The following SLC6A11 variants were observed in gnomAD, a reference collection of about 807,000 sequenced individuals.
The protein encoded by SLC6A11 is solute carrier family 6 member 11, also known as sodium- and chloride-dependent GABA transporter 3.
A neutral mutation model predicts 74.8 loss-of-function variants in SLC6A11; 25 were observed. That is an observed-to-expected ratio of 0.33 (90% CI 0.24 to 0.47). The LOEUF (loss-of-function observed/expected upper bound fraction) is 0.47. Ranked by LOEUF, SLC6A11 falls within the 20% of genes least tolerant of loss-of-function variation. The pLI, the probability that SLC6A11 is intolerant of heterozygous loss-of-function variation, is 1.00. For missense variants in SLC6A11, 574 were observed against 837.0 expected, an observed-to-expected ratio of 0.69 and a Z score of 3.88; for synonymous variants, 330 against 330.2, an observed-to-expected ratio of 1.00 and a Z score of 0.01.
chr3:10,833,767 TTAA>T (rs1386839261), intron 4 of SLC6A11, among the ~76,000 whole-genome samples: 1 of 152,228 alleles, frequency 6.6e-6, no homozygotes, highest in Admixed American at 6.5e-5. Context: ...GTAACTGGGC[TTAA>T]TAAATACTGA....
intron 6 of SLC6A11, among the ~76,000 whole-genome samples, chr3:10,895,071 T>C (rs574485148): frequency 2.4e-4 from 37 of 152,164 alleles, no homozygotes; most frequent in Non-Finnish European, 4.4e-4. Context: ...ATGATAATAG[T>C]ACCAGCCTAT....
chr3:10,890,852 G>A (rs1054811680), intron 6 of SLC6A11, among the ~76,000 whole-genome samples: 11 of 152,234 alleles, frequency 7.2e-5, no homozygotes, highest in African/African-American at 2.7e-4. Flanking sequence ...TTTCACTTGA[G>A]TGGTAGTTTA....
intron 1 of SLC6A11, 140 bp from the exon 2 acceptor site, chr3:10,819,325 T>C (rs1391678181): frequency 1.2e-6 from 1 of 809,134 alleles, no homozygotes; most frequent in Non-Finnish European, 2.0e-6. Flanking sequence ...GTTTTCTGAC[T>C]CTGGTCTTCA....
rs541714657 is a variant in SLC6A11, at chr3:10,895,884, AT to A, written c.892-16199del. On this transcript the variant is annotated intron_variant, in intron 6 of 13. Coordinates refer to ENST00000254488, the MANE Select transcript of SLC6A11 (RefSeq NM_014229.3). Reference sequence around the variant, plus strand: ...CAGCAAACCGCCACGGCACACATTTATTTTTTTAGGAGCAAGCGTCGTCTTT... The same window carrying A: ...CAGCAAACCGCCACGGCACACATTTATTTTTTAGGAGCAAGCGTCGTCTTT... 7.3e-3 allele frequency among the ~76,000 whole-genome samples: 1,114 copies of A among 152,294 alleles called. 3 individuals carry two copies. The highest frequency in any genetic ancestry group is 0.012 in the Non-Finnish European group (836 of 68,026).
chr3:10,870,071 G>A (rs1209485535), intron 5 of SLC6A11, among the ~76,000 whole-genome samples: 1 of 152,122 alleles, frequency 6.6e-6, no homozygotes, highest in African/African-American at 2.4e-5. Flanking sequence ...CATCTTCCCT[G>A]CCTGATCCAA....
chr3:10,938,187 ACGGC>A, intron 13 of SLC6A11, 59 bp from the exon 14 acceptor site: 1 of 1,482,202 alleles, frequency 6.7e-7, no homozygotes, highest in East Asian at 2.3e-5. Flanking sequence ...GGGAGAGGCC[ACGGC>A]AGACCCTGGA....
intron 5 of SLC6A11, among the ~76,000 whole-genome samples, chr3:10,868,191 A>G (rs959144855): frequency 1.3e-5 from 2 of 152,206 alleles, no homozygotes; most frequent in Non-Finnish European, 2.9e-5. Flanking sequence ...GCTGCCCAGC[A>G]CATTGGATCT....
intron 5 of SLC6A11, 68 bp downstream of exon 5, chr3:10,844,414 A>G (rs1694477901): frequency 5.0e-6 from 8 of 1,587,658 alleles, no homozygotes; most frequent in Admixed American, 1.7e-5. Context: ...TGACCTAGAG[A>G]GTAACAGGGA....
chr3:10,927,303 C>G (rs967136081), intron 9 of SLC6A11, among the ~76,000 whole-genome samples: 1 of 152,184 alleles, frequency 6.6e-6, no homozygotes, highest in Non-Finnish European at 1.5e-5. Flanking sequence ...GGGGCCCCGG[C>G]TCGGCGAGTC....
At chr3:10,859,967 T>G (rs1694683995) in intron 5 of SLC6A11, among the ~76,000 whole-genome samples, 1 of 152,216 alleles carries the variant, frequency 6.6e-6, no homozygotes, top group African/African-American at 2.4e-5. Flanking sequence ...ACCTCAGGTG[T>G]GTTTTCTGGG....
At chr3:10,925,718 TAG>T (rs367863096) in intron 8 of SLC6A11, among the ~76,000 whole-genome samples, 4 of 152,112 alleles carry the variant, frequency 2.6e-5, no homozygotes, top group African/African-American at 9.7e-5. Flanking sequence ...TTGAGAACAG[TAG>T]AGACATGTCC....
intron 6 of SLC6A11, among the ~76,000 whole-genome samples, chr3:10,902,127 A>G (rs535198802): frequency 9.3e-4 from 142 of 152,170 alleles, no homozygotes; most frequent in African/African-American, 3.3e-3. Context: ...GTTTGAAAGA[A>G]AATGTAGAAG....
rs964143923 is a variant in SLC6A11, at chr3:10,926,732, C to T, written c.1233+616C>T. 5.9e-5 allele frequency among the ~76,000 whole-genome samples: 9 copies of T among 152,272 alleles called. No homozygotes were observed. The highest frequency in any genetic ancestry group is 4.1e-4 in the South Asian group (2 of 4,826). ...GGAGCTAGTAACTCACCCATGCACT[C>T]GGTTTCCCTTTGTTGCCACACAGCA... On this transcript the variant is annotated intron_variant, in intron 9 of 13. Coordinates refer to ENST00000254488, the MANE Select transcript of SLC6A11 (RefSeq NM_014229.3). The surrounding 1 kb of genome is among the most constrained non-coding windows in gnomAD (Gnocchi z 5.7).
chr3:10,879,995 A>T (rs1694955515), intron 6 of SLC6A11, among the ~76,000 whole-genome samples: 1 of 152,196 alleles, frequency 6.6e-6, no homozygotes, highest in South Asian at 2.1e-4. Flanking sequence ...ATGTTCAAAA[A>T]ATATTTAAAA....
chr3:10,931,450 A>G (rs766907285), intron 10 of SLC6A11, among the ~76,000 whole-genome samples: 11 of 152,156 alleles, frequency 7.2e-5, no homozygotes, highest in Non-Finnish European at 1.3e-4. Context: ...CTCCACAGAG[A>G]GGTGCCTCAG....
chr3:10,820,465 G>A (rs1212403403), intron 3 of SLC6A11, among the ~76,000 whole-genome samples: 1 of 152,112 alleles, frequency 6.6e-6, no homozygotes, highest in Non-Finnish European at 1.5e-5. Flanking sequence ...GGTGGCTATT[G>A]CCTTCAATGA....
chr3:10,902,907 T>A (rs1264273355), intron 6 of SLC6A11, among the ~76,000 whole-genome samples: 1 of 152,216 alleles, frequency 6.6e-6, no homozygotes, highest in Non-Finnish European at 1.5e-5. Context: ...TCCCTGGGTG[T>A]TAGTTTATTC....
At chr3:10,913,443 T>G (rs1216642737) in intron 7 of SLC6A11, among the ~76,000 whole-genome samples, 4 of 152,306 alleles carry the variant, frequency 2.6e-5, no homozygotes, top group Non-Finnish European at 5.9e-5. Flanking sequence ...CTATACAGCT[T>G]AAATGGGTGT....
At chr3:10,898,257 G>T (rs561752655) in intron 6 of SLC6A11, among the ~76,000 whole-genome samples, 1 of 152,170 alleles carries the variant, frequency 6.6e-6, no homozygotes, top group Non-Finnish European at 1.5e-5. Flanking sequence ...TTAACATTCG[G>T]CTCCTGGTTA....
Sources: allele counts gnomAD v4.1 joint callset (sites outside exome capture counted in the v4.1 genomes callset), GRCh38; gene constraint gnomAD v4.1.1; non-coding constraint Gnocchi (gnomAD v3.1); transcripts MANE v1.5; gene names NCBI Gene and HGNC (gene_info 2026-07-23, HGNC 2026-07-21).